CCDC6: variants seen among roughly 807,000 people sequenced by gnomAD.
CCDC6 encodes coiled-coil domain containing 6.
In CCDC6, 20 loss-of-function variants were observed where a neutral mutation model predicts 56.6. The observed-to-expected ratio is 0.35, with a 90% CI of 0.25 to 0.51. The LOEUF (loss-of-function observed/expected upper bound fraction) is 0.51, where lower values mean the gene tolerates loss of function less well. Ranked by LOEUF, CCDC6 falls within the 20% of genes least tolerant of loss-of-function variation. The pLI is 0.95. For missense variants in CCDC6, 367 were observed against 601.1 expected (o/e 0.61, Z 4.07); for synonymous variants, 241 against 234.4 (o/e 1.03, Z -0.26).
At chr10:59,863,588 T>G (rs2071152597) in intron 1 of CCDC6, among the ~76,000 whole-genome samples, 1 of 152,104 alleles carries the variant, frequency 6.6e-6, no homozygotes, top group Non-Finnish European at 1.5e-5. Context: ...GGATAGTGAG[T>G]GCTAAAACTA....
chr10:59,846,803 A>C (rs2070995950), intron 2 of CCDC6, among the ~76,000 whole-genome samples: 1 of 152,194 alleles, frequency 6.6e-6, no homozygotes, highest in African/African-American at 2.4e-5. Context: ...CCCCAGTTGT[A>C]ATCTATGGTT....
intron 6 of CCDC6, chr10:59,805,298 C>G (rs531964380): frequency 6.6e-6 from 1 of 152,338 alleles, no homozygotes; most frequent in South Asian, 2.1e-4. Context: ...TCCACACATC[C>G]ACTAGTAGAC....
intron 8 of CCDC6, 56 bp from the exon 9 acceptor site, chr10:59,793,167 C>T: frequency 1.4e-6 from 2 of 1,434,288 alleles, no homozygotes; most frequent in Non-Finnish European, 1.9e-6. Context: ...TCTCATTCTA[C>T]CTAACACAGC....
chr10:59,869,414 A>C (rs1227311474), intron 1 of CCDC6, among the ~76,000 whole-genome samples: 4 of 74,718 alleles, frequency 5.4e-5, no homozygotes, highest in Non-Finnish European at 1.0e-4. Context: ...AAAAAAAAAA[A>C]AAAAACAGAA....
intron 1 of CCDC6, among the ~76,000 whole-genome samples, chr10:59,866,578 T>C (rs1273613179): frequency 6.6e-6 from 1 of 152,204 alleles, no homozygotes; most frequent in Admixed American, 6.5e-5. Flanking sequence ...GGCTCTTCCA[T>C]ACAGTATCAC....
intron 7 of CCDC6, among the ~76,000 whole-genome samples, chr10:59,798,991 CAAAAAAAAAAAA>C (rs34505959): frequency 1.3e-5 from 1 of 76,972 alleles, no homozygotes; most frequent in African/African-American, 4.4e-5. Context: ...AAGACTGTTT[CAAAAAAAAAAAA>C]AAAAAAAAAA....
chr10:59,881,057 G>A (rs2071331109), intron 1 of CCDC6, among the ~76,000 whole-genome samples: 1 of 151,876 alleles, frequency 6.6e-6, no homozygotes, highest in Non-Finnish European at 1.5e-5. Flanking sequence ...CCCAACCAAA[G>A]CCCTTCAGCC....
Position 59,793,010 on chromosome 10 carries a change from T to C in CCDC6, c.1332A>G (p.Pro444=). ...TQTPVQPPPP[P]PPPPMQPTVP... is the part of the protein sequence containing the mutation. ...CCGTGGGCTGCATGGGTGGCGGAGG[T>C]GGAGGCGGAGGTGGCTGGACTGGGG... Residue 444 remains proline (P), a synonymous_variant, in exon 9 of 9, where the codon CCA becomes CCG. Transcript: ENST00000263102. 1 of 1,612,140 alleles carries C rather than the reference T, an allele frequency of 6.2e-7. No individual in the cohort carries two copies.
chr10:59,859,974 C>T (rs1305621688), intron 1 of CCDC6, among the ~76,000 whole-genome samples: 1 of 152,152 alleles, frequency 6.6e-6, no homozygotes, highest in Non-Finnish European at 1.5e-5. Context: ...CCCAGCTACT[C>T]GGAAAGCTGA....
intron 1 of CCDC6, among the ~76,000 whole-genome samples, chr10:59,860,501 G>C (rs2071119252): frequency 1.3e-5 from 2 of 152,250 alleles, no homozygotes; most frequent in Middle Eastern, 6.8e-3. Context: ...GCCAGGGCTA[G>C]ATTATACTAC....
At chr10:59,889,978 C>A (rs555038579) in intron 1 of CCDC6, among the ~76,000 whole-genome samples, 71 of 152,332 alleles carry the variant, frequency 4.7e-4, no homozygotes, top group Middle Eastern at 3.4e-3. Context: ...TCTCTCTCAA[C>A]TCCACATGGT....
chr10:59,828,081 A>C (rs1355556719), intron 3 of CCDC6, among the ~76,000 whole-genome samples: 1 of 152,162 alleles, frequency 6.6e-6, no homozygotes, highest in African/African-American at 2.4e-5. Context: ...AGTAAGGAAA[A>C]TTTTCCCTAA....
intron 5 of CCDC6, among the ~76,000 whole-genome samples, chr10:59,808,580 CT>C (rs1458684212): frequency 6.6e-6 from 1 of 152,196 alleles, no homozygotes; most frequent in Non-Finnish European, 1.5e-5. Flanking sequence ...CCATATACTT[CT>C]CTTTTCTGAA....
rs555229579 is a variant in CCDC6, at chr10:59,852,846, C to T, written c.304-144G>A. ...ATTTTTAGCTGTGAACCAACACACC[C>T]AAGAAATGCAAAACAGAGGAATTCA... On this transcript the variant is annotated intron_variant, in intron 1 of 8. Transcript: ENST00000263102. The T allele has an allele frequency of 5.3e-6, 3 of 564,830 alleles. No individual in the cohort carries two copies. In the Admixed American group the frequency reaches 1.2e-4, roughly 22 times the overall value. The allele number at this position is 564,830 out of a possible 1,614,324, so 35.0% of individuals were successfully genotyped here. A position where few individuals can be genotyped will look rare whatever the true frequency, so the allele number is the denominator to read the frequency against.
intron 2 of CCDC6, among the ~76,000 whole-genome samples, chr10:59,851,983 A>T (rs1047574147): frequency 6.6e-6 from 1 of 152,044 alleles, no homozygotes; most frequent in Non-Finnish European, 1.5e-5. Flanking sequence ...AAACCTTCCT[A>T]TATGTTTTGT....
At chr10:59,802,750 A>G (rs1329292127) in intron 7 of CCDC6, among the ~76,000 whole-genome samples, 1 of 152,244 alleles carries the variant, frequency 6.6e-6, no homozygotes, top group Non-Finnish European at 1.5e-5. Context: ...AAATACAGTA[A>G]GATTTTCCTG....
chr10:59,822,349 A>G (rs995737964), intron 3 of CCDC6, among the ~76,000 whole-genome samples: 34 of 151,904 alleles, frequency 2.2e-4, no homozygotes, highest in African/African-American at 8.0e-4. Context: ...AGATTAACAC[A>G]GTTTCTAGTC....
Position 59,861,432 on chromosome 10 carries a change from CAA to C in CCDC6, c.304-8732_304-8731del, listed in dbSNP as rs55716341. Among the ~76,000 whole-genome samples, 495 of 88,938 alleles carry C rather than the reference CAA, an allele frequency of 5.6e-3. 4 individuals carry two copies. Among genetic ancestry groups the C allele is most frequent in the South Asian group, 0.016 (37 of 2,366 alleles). The allele number at this position is 88,938 out of a possible 152,430, so 58.3% of individuals were successfully genotyped here. A position where few individuals can be genotyped will look rare whatever the true frequency, so the allele number is the denominator to read the frequency against. Reference sequence around the variant, plus strand: ...TGTCTGGCATTCAATCAAAAATTACCAAAAAAAAAAAAAAAAAAAAATCACAA... The same window carrying C: ...TGTCTGGCATTCAATCAAAAATTACCAAAAAAAAAAAAAAAAAAATCACAA... On this transcript the variant is annotated intron_variant, in intron 1 of 8. Transcript: ENST00000263102.
chr10:59,859,919 T>C (rs1370867836), intron 1 of CCDC6, among the ~76,000 whole-genome samples: 1 of 152,026 alleles, frequency 6.6e-6, no homozygotes, highest in Non-Finnish European at 1.5e-5. Flanking sequence ...CCATTACTAC[T>C]AAAAATACAA....
Sources: gnomAD v4.1 joint callset for allele counts (sites outside exome capture counted in the v4.1 genomes callset) on GRCh38, gnomAD v4.1.1 for gene constraint, MANE v1.5 for transcripts, NCBI Gene and HGNC (gene_info 2026-07-23, HGNC 2026-07-21) for gene names.